SH3GL3: variants seen among roughly 807,000 people sequenced by gnomAD.
SH3GL3 encodes the protein endophilin-A3.
In SH3GL3, 33 loss-of-function variants were observed where a neutral mutation model predicts 47.7. That is an observed-to-expected ratio of 0.69 (90% CI 0.52 to 0.92). SH3GL3 has a LOEUF of 0.92. SH3GL3 is among the 40% of genes least tolerant of loss of function. SH3GL3 has a pLI of 0.00. For missense variants in SH3GL3, 363 were observed against 417.8 expected (o/e 0.87, Z 1.14); for synonymous variants, 155 against 148.8 (o/e 1.04, Z -0.30).
chr15:83,523,947 TAAAAA>T (rs3078535), intron 1 of SH3GL3, among the ~76,000 whole-genome samples: 23 of 131,896 alleles, frequency 1.7e-4, no homozygotes, highest in Non-Finnish European at 1.8e-4. Context: ...TTCAGCAATC[TAAAAA>T]AAAAAAAAAA....
At chr15:83,547,564 A>G (rs2044465315) in intron 1 of SH3GL3, among the ~76,000 whole-genome samples, 1 of 152,118 alleles carries the variant, frequency 6.6e-6, no homozygotes, top group Non-Finnish European at 1.5e-5. Context: ...TTTGGTTCTT[A>G]TGAAGGTGAT....
In SH3GL3 at chr15:83,563,222, C is replaced by T. The variant is rs561773691; in HGVS notation, c.115-1912C>T. Among the ~76,000 whole-genome samples, 13 of 152,178 alleles carry T rather than the reference C, an allele frequency of 8.5e-5. No individual in the cohort carries two copies. In the East Asian group the frequency reaches 2.5e-3, roughly 29 times the overall value. On this transcript the variant is annotated intron_variant, in intron 2 of 8. Coordinates refer to ENST00000427482, the MANE Select transcript of SH3GL3 (RefSeq NM_003027.5). ...CTTTCTATGTATGTACTTTGAATGT[C>T]GATCTTCCTTATTTTTTTTCCTTAT...
chr15:83,596,494 A>G (rs887502750), intron 8 of SH3GL3, among the ~76,000 whole-genome samples: 3 of 152,154 alleles, frequency 2.0e-5, no homozygotes, highest in African/African-American at 7.2e-5. Context: ...GATTATAGTT[A>G]TGGATTTGTC....
Position 83,507,055 on chromosome 15 carries a change from G to A in SH3GL3, c.46-52198G>A, listed in dbSNP as rs535023198. The stretch of plus-strand genomic sequence containing the variant: ...GAGTCTTGCTCTGTCACCCAGGCTG[G>A]AGTGCAGTGGCACGATCTCCGCTCA... On this transcript the variant is annotated intron_variant, in intron 1 of 8. Coordinates refer to ENST00000427482, the MANE Select transcript of SH3GL3 (RefSeq NM_003027.5). Among the ~76,000 whole-genome samples, 13 of 151,882 alleles carry A rather than the reference G, an allele frequency of 8.6e-5. 1 individual carries two copies. The South Asian group carries it at 2.7e-3, about 32-fold the overall frequency.
At chr15:83,591,866 T>G (rs766442962) in intron 8 of SH3GL3, among the ~76,000 whole-genome samples, 35 of 152,042 alleles carry the variant, frequency 2.3e-4, no homozygotes, top group Non-Finnish European at 4.4e-4. Context: ...TTTGTATTTT[T>G]AATAGGGACG....
chr15:83,588,603 G>T, intron 7 of SH3GL3, 59 bp from the exon 8 acceptor site: 1 of 1,044,764 alleles, frequency 9.6e-7, no homozygotes, highest in South Asian at 1.3e-5. Flanking sequence ...CAGAGAGGAT[G>T]TGTGTTTGGA....
At chr15:83,616,463 C>T (rs1408126016) in intron 8 of SH3GL3, among the ~76,000 whole-genome samples, 3 of 151,892 alleles carry the variant, frequency 2.0e-5, no homozygotes, top group East Asian at 1.9e-4. Flanking sequence ...ACTGTGTTCT[C>T]GATCTCCTGA....
chr15:83,491,280 A>G (rs2041864251), intron 1 of SH3GL3, among the ~76,000 whole-genome samples: 1 of 152,240 alleles, frequency 6.6e-6, no homozygotes, highest in South Asian at 2.1e-4. Context: ...AAAATTAACC[A>G]AAATGCAATG....
At chr15:83,540,220 G>C (rs183227759) in intron 1 of SH3GL3, among the ~76,000 whole-genome samples, 28 of 152,080 alleles carry the variant, frequency 1.8e-4, no homozygotes, top group African/African-American at 6.7e-4. Flanking sequence ...TTGTGATTCC[G>C]CATATGGTCT....
At chr15:83,588,153 T>C (rs2060000916) in intron 7 of SH3GL3, among the ~76,000 whole-genome samples, 2 of 152,152 alleles carry the variant, frequency 1.3e-5, no homozygotes, top group South Asian at 2.1e-4. Flanking sequence ...CGTGCTCTGT[T>C]GCCCAGGCTG....
At chr15:83,630,666 G>C in the SH3GL3 span, among the ~76,000 whole-genome samples, 9 of 152,232 alleles carry the variant, frequency 5.9e-5, no homozygotes, top group African/African-American at 2.2e-4. Flanking sequence ...GATCCTGTGA[G>C]AACTCACCAT....
chr15:83,612,213 G>T (rs993065108), intron 8 of SH3GL3, among the ~76,000 whole-genome samples: 13 of 152,272 alleles, frequency 8.5e-5, no homozygotes, highest in Admixed American at 5.2e-4. Context: ...TTTCTTGAAG[G>T]TTCTCTCCTC....
At chr15:83,617,622 G>A (rs978797085) in intron 8 of SH3GL3, among the ~76,000 whole-genome samples, 4 of 152,190 alleles carry the variant, frequency 2.6e-5, no homozygotes, top group African/African-American at 9.7e-5. Context: ...GTTACAGTAA[G>A]CCAGGATCGC....
At chr15:83,587,544 A>G (rs2059987905) in intron 7 of SH3GL3, among the ~76,000 whole-genome samples, 1 of 151,664 alleles carries the variant, frequency 6.6e-6, no homozygotes, top group Non-Finnish European at 1.5e-5. Flanking sequence ...AAAAAAAAAA[A>G]AAAGGTAGTG....
At chr15:83,591,871 G>T (rs2151813851) in intron 8 of SH3GL3, among the ~76,000 whole-genome samples, 1 of 152,142 alleles carries the variant, frequency 6.6e-6, no homozygotes, top group South Asian at 2.1e-4. Flanking sequence ...ATTTTTAATA[G>T]GGACGGGGTT....
At chr15:83,487,199 AC>A (rs2041638899) in intron 1 of SH3GL3, among the ~76,000 whole-genome samples, 2 of 103,076 alleles carry the variant, frequency 1.9e-5, no homozygotes, top group African/African-American at 8.8e-5. Context: ...TAACCGGTTT[AC>A]CTGTTTTTTT....
At chr15:83,597,135 C>G (rs2060255951) in intron 8 of SH3GL3, among the ~76,000 whole-genome samples, 1 of 152,192 alleles carries the variant, frequency 6.6e-6, no homozygotes, top group African/African-American at 2.4e-5. Context: ...TGTTCACATT[C>G]CACACAGGGT....
chr15:83,480,152 CTG>C (rs975523468), intron 1 of SH3GL3, among the ~76,000 whole-genome samples: 3 of 152,090 alleles, frequency 2.0e-5, no homozygotes, highest in African/African-American at 7.2e-5. Context: ...TATTTGAAAA[CTG>C]TTACAACAAA....
At position 83,507,307 on chromosome 15, in the gene SH3GL3, C is replaced by T. The variant is rs116383829; in HGVS notation, c.46-51946C>T. Among the ~76,000 whole-genome samples the T allele has an allele frequency of 5.1e-3, 777 of 152,178 alleles. 7 individuals are homozygous for T. The highest frequency in any genetic ancestry group is 0.018 in the African/African-American group (745 of 41,502). ...ACAGGCGTGAGCCACCGTGCCCGGCCTGTGTACACTTCTTTTTAATGAATG... is the reference window on the plus strand; with the variant it reads ...ACAGGCGTGAGCCACCGTGCCCGGCTTGTGTACACTTCTTTTTAATGAATG... On this transcript the variant is annotated intron_variant, in intron 1 of 8. Transcript: ENST00000427482.
Sources: gnomAD v4.1 joint callset for allele counts (sites outside exome capture counted in the v4.1 genomes callset) on GRCh38, gnomAD v4.1.1 for gene constraint, MANE v1.5 for transcripts, NCBI Gene and HGNC (gene_info 2026-07-23, HGNC 2026-07-21) for gene names.